Variants in MVB12B observed in about 807,000 individuals in gnomAD.
MVB12B encodes multivesicular body subunit 12B.
MVB12B carries 16 observed loss-of-function variants against 41.6 expected under a neutral mutation model. The observed-to-expected ratio is 0.38, with a 90% CI of 0.26 to 0.58. The LOEUF is 0.58. Ranked by LOEUF, MVB12B falls within the 20% of genes least tolerant of loss-of-function variation. MVB12B has a pLI of 0.62. For synonymous variants in MVB12B, 133 were observed against 139.7 expected, an observed-to-expected ratio of 0.95 and a Z score of 0.34; for missense variants, 274 against 380.2, an observed-to-expected ratio of 0.72 and a Z score of 2.32.
At chr9:126,372,688 G>T (rs556413995) in intron 2 of MVB12B, among the ~76,000 whole-genome samples, 1 of 152,062 alleles carries the variant, frequency 6.6e-6, no homozygotes, top group Non-Finnish European at 1.5e-5. Flanking sequence ...GTCATTTTTA[G>T]GTGAGGCTCA....
chr9:126,503,223 C>G lies in MVB12B; in HGVS notation c.920C>G (p.Pro307Arg). The G allele has an allele frequency of 6.4e-7, 1 of 1,550,650 alleles. No individual in the cohort carries two copies. Among genetic ancestry groups the G allele is most frequent in the Non-Finnish European group, 8.7e-7 (1 of 1,147,006 alleles). Residue 307 changes from proline to arginine, a missense_variant, in exon 10 of 10, where the codon CCG becomes CGG. Physicochemically the swap from Pro to Arg is moderately radical, Grantham distance 103. Transcript: ENST00000361171. The part of the protein sequence containing the change: ...RTEQSAAARL[P>R]PSPTRCQQIP... ...GAGCAGAGCGCAGCCGCCAGGCTCCCGCCCAGCCCCACCAGGTGTCAGCAG... is the reference window on the plus strand; with the variant it reads ...GAGCAGAGCGCAGCCGCCAGGCTCCGGCCCAGCCCCACCAGGTGTCAGCAG...
chr9:126,444,746 G>C (rs1832723919), intron 7 of MVB12B, among the ~76,000 whole-genome samples: 1 of 151,918 alleles, frequency 6.6e-6, no homozygotes, highest in Non-Finnish European at 1.5e-5. Context: ...CTAAAGTTCT[G>C]CTGTGATTTG....
rs574448670 is a variant in MVB12B at position 126,340,761 on chromosome 9, G to A, written c.204+131G>A. ...TCTAGGAACTTAATCCAGGGAGGGC[G>A]TGGAGAGCATCCTGGTTTGGGAGTC... On this transcript the variant is annotated intron_variant, in intron 2 of 9. Coordinates refer to ENST00000361171, the MANE Select transcript of MVB12B (RefSeq NM_033446.3). This position sits in a 1 kb window ranked among gnomAD's most constrained non-coding sequence, Gnocchi z 4.0. 29 of 1,097,796 alleles carry A rather than the reference G, an allele frequency of 2.6e-5. No homozygotes were observed. The highest frequency in any genetic ancestry group is 1.3e-4 in the African/African-American group (8 of 63,748). 68.0% of individuals were successfully genotyped at this position (1,097,796 alleles called of 1,614,324 possible).
At chr9:126,491,278 T>C (rs1403970751) in intron 9 of MVB12B, among the ~76,000 whole-genome samples, 1 of 152,268 alleles carries the variant, frequency 6.6e-6, no homozygotes, top group Non-Finnish European at 1.5e-5. Context: ...TTGGGACCTA[T>C]GTCCCGCAGG....
At chr9:126,417,975 G>C (rs1417356862) in intron 6 of MVB12B, among the ~76,000 whole-genome samples, 4 of 152,176 alleles carry the variant, frequency 2.6e-5, no homozygotes. Context: ...GAAAAACAAG[G>C]CCTGTTCAGA....
chr9:126,375,181 A>G (rs1239480837), intron 2 of MVB12B, among the ~76,000 whole-genome samples: 1 of 152,178 alleles, frequency 6.6e-6, no homozygotes, highest in Admixed American at 6.5e-5. Context: ...ATAGATTACA[A>G]TGCAGACATT....
chr9:126,488,812 C>T (rs1468453371), intron 9 of MVB12B, among the ~76,000 whole-genome samples: 1 of 152,234 alleles, frequency 6.6e-6, no homozygotes, highest in Non-Finnish European at 1.5e-5. Context: ...CCTCACCATG[C>T]CCTGCCTGAG....
intron 6 of MVB12B, among the ~76,000 whole-genome samples, chr9:126,404,415 T>G (rs939227139): frequency 8.5e-5 from 13 of 152,202 alleles, no homozygotes; most frequent in African/African-American, 3.1e-4. Context: ...CAAGCTACTG[T>G]TAGTGTGCAG....
intron 7 of MVB12B, among the ~76,000 whole-genome samples, chr9:126,463,517 G>A (rs1239167208): frequency 6.6e-6 from 1 of 152,200 alleles, no homozygotes; most frequent in Non-Finnish European, 1.5e-5. Flanking sequence ...TAGAAGTGGG[G>A]TTTAGATTGC....
intron 1 of MVB12B, chr9:126,335,274 G>A: frequency 7.8e-7 from 1 of 1,275,104 alleles, no homozygotes; most frequent in Non-Finnish European, 1.0e-6. Flanking sequence ...GAAGGTGTCA[G>A]GATGCTATCC....
chr9:126,416,387 C>T (rs1426896168), intron 6 of MVB12B, among the ~76,000 whole-genome samples: 2 of 152,168 alleles, frequency 1.3e-5, no homozygotes, highest in Admixed American at 6.5e-5. Context: ...CCAGCGGACT[C>T]GGGGGCACTG....
chr9:126,489,833 C>T (rs544560639), intron 9 of MVB12B, among the ~76,000 whole-genome samples: 1 of 152,174 alleles, frequency 6.6e-6, no homozygotes, highest in African/African-American at 2.4e-5. Flanking sequence ...CCTCATCGTC[C>T]CTCAGCCAGG....
At chr9:126,415,645 C>T (rs1831796494) in intron 6 of MVB12B, among the ~76,000 whole-genome samples, 1 of 152,046 alleles carries the variant, frequency 6.6e-6, no homozygotes, top group African/African-American at 2.4e-5. Context: ...CGAAACTATC[C>T]CTAATTATAA....
intron 3 of MVB12B, among the ~76,000 whole-genome samples, chr9:126,383,205 T>C (rs1309942940): frequency 6.6e-6 from 1 of 152,214 alleles, no homozygotes; most frequent in Non-Finnish European, 1.5e-5. Flanking sequence ...ACCATCATTT[T>C]TTACAACTGT....
intron 7 of MVB12B, among the ~76,000 whole-genome samples, chr9:126,465,828 GC>G: frequency 6.6e-6 from 1 of 152,002 alleles, no homozygotes; most frequent in Non-Finnish European, 1.5e-5. Context: ...TCCTTGCTTC[GC>G]CCCTAGAATA....
intron 2 of MVB12B, among the ~76,000 whole-genome samples, chr9:126,348,098 G>C (rs1186869412): frequency 6.6e-6 from 1 of 152,240 alleles, no homozygotes; most frequent in Non-Finnish European, 1.5e-5. Flanking sequence ...CACAGACTTT[G>C]AGTCCTGCCA....
intron 7 of MVB12B, among the ~76,000 whole-genome samples, chr9:126,429,965 T>C (rs1422231677): frequency 6.6e-6 from 1 of 152,164 alleles, no homozygotes; most frequent in African/African-American, 2.4e-5. Flanking sequence ...AGCTGAGTGT[T>C]AAGCGTGGGA....
At chr9:126,492,692 T>C (rs899246689) in intron 9 of MVB12B, among the ~76,000 whole-genome samples, 5 of 152,038 alleles carry the variant, frequency 3.3e-5, no homozygotes, top group Admixed American at 6.5e-5. Context: ...AATAAAAAAA[T>C]TATCCAGGCA....
At chr9:126,375,363 C>CT (rs35585049) in intron 2 of MVB12B, among the ~76,000 whole-genome samples, 6,555 of 104,950 alleles carry the variant, frequency 0.062, 436 homozygotes, top group Middle Eastern at 0.088. Flanking sequence ...TAAATTGATT[C>CT]TTTTTTTTTT....
Sources: gnomAD v4.1 joint callset for allele counts (sites outside exome capture counted in the v4.1 genomes callset) on GRCh38, gnomAD v4.1.1 for gene constraint, Gnocchi (gnomAD v3.1) non-coding constraint, MANE v1.5 for transcripts, NCBI Gene and HGNC (gene_info 2026-07-23, HGNC 2026-07-21) for gene names.